The following MYO1F variants were observed in gnomAD, a reference collection of about 807,000 sequenced individuals.
MYO1F encodes the protein unconventional myosin-If.
A neutral mutation model predicts 146.6 loss-of-function variants in MYO1F; 60 were observed. The observed-to-expected ratio is 0.41, with a 90% confidence interval of 0.33 to 0.51. The LOEUF (loss-of-function observed/expected upper bound fraction) is 0.51, where lower values mean the gene tolerates loss of function less well. Ranked by LOEUF, MYO1F falls within the 20% of genes least tolerant of loss-of-function variation. The pLI, the probability that MYO1F is intolerant of heterozygous loss-of-function variation, is 0.25. For missense variants in MYO1F, 1,274 were observed against 1,534.3 expected, an observed-to-expected ratio of 0.83 and a Z score of 2.83; for synonymous variants, 602 against 602.1, an observed-to-expected ratio of 1.00 and a Z score of 0.00.
chr19:8,530,614 C>T lies in MYO1F; in HGVS notation c.2044-41G>A. The T allele has an allele frequency of 6.7e-7, 1 of 1,492,338 alleles. No individual in the cohort carries two copies. Among genetic ancestry groups the T allele is most frequent in the South Asian group, 1.1e-5 (1 of 88,820 alleles). The allele number at this position is 1,492,338 out of a possible 1,614,324, so 92.4% of individuals were successfully genotyped here. ...GGGGGGCAAGGGTGAGTCCTGGTGT[C>T]TCCCCAGGGGCTGCAGTTCCGGGTT... is the stretch of plus-strand genomic sequence containing the variant. On this transcript the variant is annotated intron_variant, in intron 19 of 27. Transcript: ENST00000644032. This position sits in a 1 kb window ranked among gnomAD's most constrained non-coding sequence, Gnocchi z 5.8.
At chr19:8,559,061 G>T (rs1973968828) in intron 1 of MYO1F, among the ~76,000 whole-genome samples, 1 of 151,758 alleles carries the variant, frequency 6.6e-6, no homozygotes, top group Admixed American at 6.6e-5. Context: ...TGTATTTTTG[G>T]TAGAGACGGG....
chr19:8,545,823 A>G, intron 12 of MYO1F, 87 bp from the exon 13 acceptor site: 2 of 934,272 alleles, frequency 2.1e-6, no homozygotes, highest in South Asian at 2.6e-5. Flanking sequence ...TCTCCATCTC[A>G]TCACTTAGGA....
Position 8,533,728 on chromosome 19 carries a change from G to A in MYO1F, c.2043+2524C>T, listed in dbSNP as rs117417922. Among the ~76,000 whole-genome samples the A allele has an allele frequency of 1.4e-3, 210 of 152,204 alleles. 2 individuals carry two copies. The East Asian group carries it at 0.035, about 25-fold the overall frequency. ...CCTTGATTTTGGACTTCTGACCTGC[G>A]GAACTGTGAGAGAATAAATTGCTGT... On this transcript the variant is annotated intron_variant, in intron 19 of 27. Coordinates refer to ENST00000644032, the MANE Select transcript of MYO1F (RefSeq NM_012335.4).
rs1161625632 is a variant in MYO1F at position 8,526,875 on chromosome 19, G to T, written c.2535C>A (p.Ser845Arg). Residue 845 changes from serine (S) to arginine (R), a missense_variant, in exon 23 of 28, where the codon AGC (serine) becomes AGA (arginine). Coordinates refer to ENST00000644032, the MANE Select transcript of MYO1F (RefSeq NM_012335.4). ...GGCTGACAAACTCGGTCTTGAAGACGCTCTCCAGGAAGCTGTCGGCGGCAT... is the reference window on the plus strand; with the variant it reads ...GGCTGACAAACTCGGTCTTGAAGACTCTCTCCAGGAAGCTGTCGGCGGCAT... Reference protein sequence around the residue: ...QEDAADSFLESVFKTEFVSLL... With the variant: ...QEDAADSFLERVFKTEFVSLL... 1 of 1,614,060 alleles carries T rather than the reference G, an allele frequency of 6.2e-7. No homozygotes were observed. The highest frequency in any genetic ancestry group is 8.5e-7 in the Non-Finnish European group (1 of 1,180,014).
At chr19:8,542,040 G>A (rs770781915) in intron 14 of MYO1F, 49 bp from the exon 15 acceptor site, 22 of 1,509,184 alleles carry the variant, frequency 1.5e-5, no homozygotes, top group Middle Eastern at 1.7e-4. Flanking sequence ...AACCTGGCTG[G>A]GAGGGTGGGC....
intron 15 of MYO1F, among the ~76,000 whole-genome samples, chr19:8,541,425 G>GTGT (rs201336903): frequency 2.3e-4 from 20 of 87,928 alleles, no homozygotes; most frequent in East Asian, 6.9e-4. Context: ...GTGTGTGTGT[G>GTGT]TTTTTTTTTT....
At chr19:8,551,604 G>A (rs867996220) in intron 8 of MYO1F, 136 bp downstream of exon 8, 7 of 1,299,260 alleles carry the variant, frequency 5.4e-6, no homozygotes, top group South Asian at 3.6e-5. Context: ...TACCTGCCTC[G>A]GCCTCCCAAA....
intron 1 of MYO1F, among the ~76,000 whole-genome samples, chr19:8,574,154 C>T (rs989713461): frequency 6.6e-6 from 1 of 152,104 alleles, no homozygotes; most frequent in African/African-American, 2.4e-5. Flanking sequence ...CAACGAACAA[C>T]ATTAAACACC....
intron 1 of MYO1F, among the ~76,000 whole-genome samples, chr19:8,566,910 C>G (rs1380081844): frequency 6.6e-6 from 1 of 151,590 alleles, no homozygotes; most frequent in Non-Finnish European, 1.5e-5. Flanking sequence ...TCCTGAATTT[C>G]AAGTAATCCT....
intron 14 of MYO1F, among the ~76,000 whole-genome samples, chr19:8,542,767 A>AT (rs879313011): frequency 6.9e-4 from 99 of 142,486 alleles, no homozygotes; most frequent in South Asian, 3.8e-3. Context: ...CACCTGGCTG[A>AT]TTTTTTTTTT....
At chr19:8,565,915 C>A (rs1389591766) in intron 1 of MYO1F, among the ~76,000 whole-genome samples, 1 of 151,500 alleles carries the variant, frequency 6.6e-6, no homozygotes. Context: ...ATAGTGAGAC[C>A]CCCATCTCTG....
chr19:8,577,313 G>T lies in MYO1F; in HGVS notation c.-4C>A, dbSNP rs199655160. 6.6e-4 allele frequency: 1,072 copies of T among 1,613,462 alleles called. No individual in the cohort carries two copies. Among genetic ancestry groups the T allele is most frequent in the Admixed American group, 1.0e-3 (60 of 59,944 alleles). On this transcript the variant is annotated 5_prime_UTR_variant, in exon 1 of 28. Transcript: ENST00000644032. The surrounding 1 kb of genome is among the most constrained non-coding windows in gnomAD (Gnocchi z 4.3). ...CCACCCTTGAAGGACTTACCATGGT[G>T]GGGGGCTGGTGTCTGGGCTCCTGGA...
intron 1 of MYO1F, among the ~76,000 whole-genome samples, chr19:8,566,237 G>A (rs867203451): frequency 1.2e-4 from 17 of 140,560 alleles, no homozygotes; most frequent in African/African-American, 1.1e-4. Flanking sequence ...GCATGATCTC[G>A]GCTCACTGCA....
chr19:8,576,449 CTGAA>C (rs2042240760), intron 1 of MYO1F: 1 of 152,460 alleles, frequency 6.6e-6, no homozygotes, highest in African/African-American at 2.4e-5. Flanking sequence ...TCCTCACTGA[CTGAA>C]TGACGAGAAA....
At position 8,553,056 on chromosome 19, in the gene MYO1F, C is replaced by CGGGTGTGTGTATGTGT. The variant is rs1973680748; in HGVS notation, c.504+67_504+82dup. 3.9e-6 allele frequency: 5 copies of CGGGTGTGTGTATGTGT among 1,288,868 alleles called. No individual in the cohort carries two copies. The East Asian group carries it at 6.9e-5, about 18-fold the overall frequency. 79.8% of individuals were successfully genotyped at this position (1,288,868 alleles called of 1,614,324 possible). ...TCAATGGACTCTTGTCTTGGCAATACGGGTGTGTGTATGTGTGGGTGTGTG... is the reference window on the plus strand; with the variant it reads ...TCAATGGACTCTTGTCTTGGCAATACGGGTGTGTGTATGTGTGGGTGTGTGTATGTGTGGGTGTGTG... On this transcript the variant is annotated intron_variant, in intron 6 of 27. Transcript: ENST00000644032.
Position 8,522,229 on chromosome 19 carries a change from A to G in MYO1F, c.3220+148T>C, listed in dbSNP as rs546930028. 4,296 of 998,740 alleles carry G rather than the reference A, an allele frequency of 4.3e-3. 35 individuals carry two copies. Among genetic ancestry groups the G allele is most frequent in the Non-Finnish European group, 5.3e-3 (3,489 of 658,704 alleles). 61.9% of individuals were successfully genotyped at this position (998,740 alleles called of 1,614,324 possible). A position where few individuals can be genotyped will look rare whatever the true frequency, so the allele number is the denominator to read the frequency against. On this transcript the variant is annotated intron_variant, in intron 27 of 27. Transcript: ENST00000644032. ...AGTAGAGACGGGGTTTCACTGTGTT[A>G]GCCAGGATGGTCTCGATCTCCTGAC...
intron 1 of MYO1F, among the ~76,000 whole-genome samples, chr19:8,565,228 G>C (rs1475789116): frequency 4.0e-5 from 6 of 151,712 alleles, no homozygotes. Context: ...AGACCAGATG[G>C]TTGATGAGAA....
In MYO1F at chr19:8,555,718, T is replaced by G. The variant is rs765873413; in HGVS notation, c.82A>C (p.Ile28Leu). ...GVDDMVLLPQITEDAIAANLR... is the reference protein window; with the variant it reads ...GVDDMVLLPQLTEDAIAANLR... ...TTGGCGGCAATGGCGTCTTCGGTGA[T>G]CTGGGGAAGAAGCACCATGTCATCC... is the stretch of plus-strand genomic sequence containing the variant. Residue 28 changes from isoleucine (I) to leucine (L), a missense_variant, in exon 2 of 28, where the codon ATC becomes CTC. Coordinates refer to ENST00000644032, the MANE Select transcript of MYO1F (RefSeq NM_012335.4). The G allele has an allele frequency of 6.2e-7, 1 of 1,614,168 alleles. No homozygotes were observed. The highest frequency in any genetic ancestry group is 1.7e-5 in the Admixed American group (1 of 60,008).
chr19:8,541,419 G>GTTTTTTTTTTTT (rs1200496185), intron 15 of MYO1F, among the ~76,000 whole-genome samples: 12 of 133,920 alleles, frequency 9.0e-5, no homozygotes, highest in African/African-American at 2.9e-4. Flanking sequence ...GTGTGTGTGT[G>GTTTTTTTTTTTT]TGTGTGTTTT....
Sources: gnomAD v4.1 joint callset for allele counts (sites outside exome capture counted in the v4.1 genomes callset) on GRCh38, gnomAD v4.1.1 for gene constraint, Gnocchi (gnomAD v3.1) non-coding constraint, MANE v1.5 for transcripts, NCBI Gene and HGNC (gene_info 2026-07-23, HGNC 2026-07-21) for gene names.